Variants in LRP1B observed in about 807,000 individuals in gnomAD.
LRP1B encodes low-density lipoprotein receptor-related protein 1B.
A neutral mutation model predicts 556.6 loss-of-function variants in LRP1B; 217 were observed. That is an observed-to-expected ratio of 0.39 (90% CI 0.35 to 0.44). The LOEUF (loss-of-function observed/expected upper bound fraction) is 0.44. Among genes scored for constraint, LRP1B ranks in the 20% least tolerant of loss-of-function variants. LRP1B has a pLI of 1.00. For missense variants in LRP1B, 5,053 were observed against 5,620.8 expected (o/e 0.90, Z 3.23); for synonymous variants, 2,047 against 1,865.8 (o/e 1.10, Z -2.50).
intron 86 of LRP1B, among the ~76,000 whole-genome samples, chr2:140,258,527 C>T (rs960357507): frequency 1.3e-5 from 2 of 152,070 alleles, no homozygotes; most frequent in Non-Finnish European, 2.9e-5. Flanking sequence ...TTTAAAAATA[C>T]TCTTTTTTAT....
chr2:140,289,902 C>T (rs192305493), intron 84 of LRP1B, among the ~76,000 whole-genome samples: 42 of 151,996 alleles, frequency 2.8e-4, no homozygotes, highest in African/African-American at 9.9e-4. Flanking sequence ...CCCAGTTTCT[C>T]ATGGACCATC....
intron 1 of LRP1B, among the ~76,000 whole-genome samples, chr2:141,875,152 T>C (rs1317171415): frequency 3.3e-5 from 5 of 151,658 alleles, no homozygotes; most frequent in African/African-American, 1.2e-4. Context: ...TATATATTTA[T>C]ACATAAAATG....
intron 17 of LRP1B, among the ~76,000 whole-genome samples, chr2:140,985,413 G>A (rs1558782612): frequency 6.7e-6 from 1 of 149,420 alleles, no homozygotes; most frequent in South Asian, 2.1e-4. Flanking sequence ...TGTGAGAAGA[G>A]CAAATATTAT....
chr2:142,016,660 A>G (rs190640912), intron 1 of LRP1B, among the ~76,000 whole-genome samples: 1 of 151,828 alleles, frequency 6.6e-6, no homozygotes, highest in Non-Finnish European at 1.5e-5. Context: ...GGGGAACATC[A>G]TACACTGGGG....
intron 2 of LRP1B, among the ~76,000 whole-genome samples, chr2:141,711,763 T>C (rs1042353100): frequency 6.6e-6 from 1 of 152,172 alleles, no homozygotes; most frequent in African/African-American, 2.4e-5. Context: ...TGGATCTTCC[T>C]ACCCTGATAG....
At chr2:140,362,273 T>G (rs1682548897) in intron 72 of LRP1B, among the ~76,000 whole-genome samples, 1 of 151,568 alleles carries the variant, frequency 6.6e-6, no homozygotes, top group Non-Finnish European at 1.5e-5. Flanking sequence ...CAGCTAAAAT[T>G]TAGAATCCCC....
intron 3 of LRP1B, among the ~76,000 whole-genome samples, chr2:141,392,995 T>C (rs1690110975): frequency 6.6e-6 from 1 of 152,156 alleles, no homozygotes; most frequent in Admixed American, 6.6e-5. Context: ...CTGTGAGCCT[T>C]GGCTTATCAT....
At chr2:141,162,577 T>A (rs1332988945) in intron 7 of LRP1B, among the ~76,000 whole-genome samples, 1 of 152,082 alleles carries the variant, frequency 6.6e-6, no homozygotes, top group Non-Finnish European at 1.5e-5. Context: ...TCTAGGAAAC[T>A]CTGGCAGGCA....
chr2:140,871,035 G>T (rs576734344), intron 25 of LRP1B, among the ~76,000 whole-genome samples: 1 of 152,256 alleles, frequency 6.6e-6, no homozygotes, highest in South Asian at 2.1e-4. Context: ...AAAAAGGGAA[G>T]AAAGATGAGA....
chr2:141,026,693 C>T (rs11682851), intron 11 of LRP1B, among the ~76,000 whole-genome samples: 72,139 of 151,798 alleles, frequency 0.48, 18,874 homozygotes, highest in Non-Finnish European at 0.58. Flanking sequence ...AATAATTTAT[C>T]TAATAACATC....
intron 41 of LRP1B, among the ~76,000 whole-genome samples, chr2:140,630,076 G>C (rs572396516): frequency 1.1e-3 from 175 of 152,294 alleles, no homozygotes; most frequent in Admixed American, 5.1e-3. Context: ...TAGTAGAATG[G>C]TGGTTCTTAT....
chr2:140,683,887 T>TGA (rs1685952965), intron 41 of LRP1B: 1 of 545,094 alleles, frequency 1.8e-6, no homozygotes, highest in Non-Finnish European at 3.3e-6. Flanking sequence ...CCTGGCAGAC[T>TGA]GAGGGGTCCA....
At chr2:140,798,466 TA>T (rs1416531080) in intron 32 of LRP1B, among the ~76,000 whole-genome samples, 1 of 152,206 alleles carries the variant, frequency 6.6e-6, no homozygotes, top group Non-Finnish European at 1.5e-5. Flanking sequence ...CTCTTTCATT[TA>T]TTTTTTAAGG....
intron 2 of LRP1B, among the ~76,000 whole-genome samples, chr2:141,524,756 T>C (rs1174336373): frequency 6.7e-6 from 1 of 148,452 alleles, no homozygotes; most frequent in Non-Finnish European, 1.5e-5. Flanking sequence ...TCAACTCTTA[T>C]GAAAAAGAAA....
At chr2:141,729,083 T>C (rs1693163882) in intron 2 of LRP1B, among the ~76,000 whole-genome samples, 1 of 152,076 alleles carries the variant, frequency 6.6e-6, no homozygotes, top group African/African-American at 2.4e-5. Flanking sequence ...TCAAACTGGG[T>C]TCTTTGTGGG....
chr2:141,689,541 T>G (rs1258218764), intron 2 of LRP1B, among the ~76,000 whole-genome samples: 1 of 148,102 alleles, frequency 6.8e-6, no homozygotes, highest in African/African-American at 2.4e-5. Flanking sequence ...TTGCTATTGC[T>G]TTATTGTATA....
At chr2:141,619,124 T>C (rs1485238288) in intron 2 of LRP1B, among the ~76,000 whole-genome samples, 1 of 152,196 alleles carries the variant, frequency 6.6e-6, no homozygotes, top group Non-Finnish European at 1.5e-5. Context: ...TATTCGGTTA[T>C]TTAAAACCTT....
chr2:140,537,644 A>C (rs1679968725), intron 45 of LRP1B, among the ~76,000 whole-genome samples: 2 of 152,096 alleles, frequency 1.3e-5, no homozygotes, highest in African/African-American at 4.8e-5. Context: ...TCAAGTGGAA[A>C]GCATGTGTAC....
intron 1 of LRP1B, among the ~76,000 whole-genome samples, chr2:141,859,956 T>C (rs1323232773): frequency 6.6e-6 from 1 of 152,210 alleles, no homozygotes; most frequent in Non-Finnish European, 1.5e-5. Context: ...AGAATTTATA[T>C]CCAAATGGCA....
Sources: allele counts gnomAD v4.1 joint callset (sites outside exome capture counted in the v4.1 genomes callset), GRCh38; gene constraint gnomAD v4.1.1; transcripts MANE v1.5; gene names NCBI Gene and HGNC (gene_info 2026-07-23, HGNC 2026-07-21).